KIF21B: variants seen among roughly 807,000 people sequenced by gnomAD.
KIF21B encodes kinesin family member 21B, also known as kinesin-like protein KIF21B.
Under a neutral mutation model 192.9 loss-of-function variants are expected in KIF21B, and 85 were observed. That is an observed-to-expected ratio of 0.44 (90% CI 0.37 to 0.53). The LOEUF (loss-of-function observed/expected upper bound fraction) is 0.53. KIF21B is among the 20% of genes least tolerant of loss of function. The pLI is 0.00. For missense variants in KIF21B, 1,716 were observed against 2,194.8 expected (o/e 0.78, Z 4.36); for synonymous variants, 832 against 884.6 (o/e 0.94, Z 1.05).
rs1294490271 is a variant in KIF21B at position 200,997,292 on chromosome 1, C to T, written c.2078-897G>A. Among the ~76,000 whole-genome samples, 6 of 152,344 alleles carry T rather than the reference C, an allele frequency of 3.9e-5. No homozygotes were observed. In the East Asian group the frequency reaches 7.7e-4, roughly 20 times the overall value. On this transcript the variant is annotated intron_variant, in intron 14 of 34. Coordinates refer to ENST00000461742, the MANE Select transcript of KIF21B (RefSeq NM_001252102.2). ...ACTGTGCTCTAACCATCCTGGTCCC[C>T]TTATCGTTCTGCCAAAATGCCAGGC...
chr1:200,998,608 T>C lies in KIF21B; in HGVS notation c.1886-33A>G. The C allele has an allele frequency of 1.1e-5, 17 of 1,598,962 alleles. No homozygotes were observed. The highest frequency in any genetic ancestry group is 1.0e-5 in the Non-Finnish European group (12 of 1,169,654). The stretch of plus-strand genomic sequence containing the variant: ...GGCACAATCAGGCTCAGCCCAGCGT[T>C]AGGGCGAGGGGCAAATTGGGGAGCA... On this transcript the variant is annotated intron_variant, in intron 13 of 34. Transcript: ENST00000461742. This position sits in a 1 kb window ranked among gnomAD's most constrained non-coding sequence, Gnocchi z 4.3.
In KIF21B at chr1:200,991,746, C is replaced by T. The variant is rs145638407; in HGVS notation, c.2386-21G>A. 2.1e-5 allele frequency: 34 copies of T among 1,613,196 alleles called. No individual in the cohort carries two copies. The African/African-American group carries it at 3.7e-4, about 18-fold the overall frequency. ...TGAAACTGTGGGAGACAGAAGAGGG[C>T]TGGGCTCCACACTCAGGCACCTTAG... is the stretch of plus-strand genomic sequence containing the variant. On this transcript the variant is annotated intron_variant, in intron 16 of 34. Coordinates refer to ENST00000461742, the MANE Select transcript of KIF21B (RefSeq NM_001252102.2).
intron 1 of KIF21B, 91 bp from the exon 2 acceptor site, chr1:201,009,579 TC>T: frequency 7.9e-7 from 1 of 1,262,634 alleles, no homozygotes; most frequent in Non-Finnish European, 1.1e-6. Flanking sequence ...AGCTGCCACT[TC>T]CCCCATGAGC....
intron 5 of KIF21B, 70 bp from the exon 6 acceptor site, chr1:201,005,003 G>A: frequency 6.6e-7 from 1 of 1,523,118 alleles, no homozygotes; most frequent in Non-Finnish European, 8.9e-7. Context: ...TCACAGTACT[G>A]CCATCCGGGA....
chr1:200,973,720 G>C (rs1238720868), intron 34 of KIF21B, 142 bp from the exon 35 acceptor site: 1 of 1,483,998 alleles, frequency 6.7e-7, no homozygotes, highest in African/African-American at 1.4e-5. Flanking sequence ...GGCTTACGGG[G>C]AGGTGGACTG....
intron 1 of KIF21B, among the ~76,000 whole-genome samples, chr1:201,022,489 CA>C (rs1658900196): frequency 6.6e-6 from 1 of 152,336 alleles, no homozygotes; most frequent in Middle Eastern, 3.4e-3. Context: ...CCACCCAGCA[CA>C]AAGAACACAG....
At chr1:201,004,245 T>A (rs1340546505) in intron 7 of KIF21B, 95 bp downstream of exon 7, 1 of 1,053,362 alleles carries the variant, frequency 9.5e-7, no homozygotes, top group Non-Finnish European at 1.4e-6. Flanking sequence ...GGCCTCCTCC[T>A]CCTGGGGCAG....
chr1:200,990,691 C>A lies in KIF21B; in HGVS notation c.2720G>T (p.Ser907Ile). 6.2e-7 allele frequency: 1 copy of A among 1,614,190 alleles called. No homozygotes were observed. The highest frequency in any genetic ancestry group is 8.5e-7 in the Non-Finnish European group (1 of 1,180,036). ...KKFQKKGASQ[S>I]FSKAARLKWQ... ...CTTGAGCCTTGCCGCCTTACTGAAG[C>A]TCTGGCTGGCCCCCTTCTTCTGGAA... The change falls in exon 19 of 35, where the codon AGC becomes ATC. Residue 907 changes from serine to isoleucine, a missense_variant. This residue lies in a region of KIF21B where 1,087 missense variants were observed against 1,316.6 expected (regional missense o/e 0.83). Coordinates refer to ENST00000461742, the MANE Select transcript of KIF21B (RefSeq NM_001252102.2). The surrounding 1 kb of genome is among the most constrained non-coding windows in gnomAD (Gnocchi z 5.4).
rs954474230 is a variant in KIF21B, at chr1:201,005,548, C to T, written c.594G>A (p.Glu198=). The T allele has an allele frequency of 1.2e-6, 2 of 1,612,548 alleles. No individual in the cohort carries two copies. The highest frequency in any genetic ancestry group is 1.7e-6 in the Non-Finnish European group (2 of 1,179,048). ...GVTSRLIHSQ[E]ELIQCLKQGA... ...CAGACCTCCAGCAGAGGCTCACCTC[C>T]TCCTGGGAGTGGATGAGGCGAGAAG... The change falls in exon 4 of 35, where the codon GAG becomes GAA. Residue 198 remains glutamate, a synonymous_variant. Coordinates refer to ENST00000461742, the MANE Select transcript of KIF21B (RefSeq NM_001252102.2).
intron 32 of KIF21B, among the ~76,000 whole-genome samples, chr1:200,976,054 A>C (rs1441884925): frequency 1.3e-5 from 2 of 152,064 alleles, no homozygotes; most frequent in African/African-American, 4.8e-5. Context: ...CTAAATATTC[A>C]CCATAATCCC....
In KIF21B at chr1:200,996,308, T is replaced by C; in HGVS notation, c.2165A>G (p.Gln722Arg). 4.3e-6 allele frequency: 7 copies of C among 1,614,192 alleles called. No homozygotes were observed. The highest frequency in any genetic ancestry group is 5.9e-6 in the Non-Finnish European group (7 of 1,180,034). Reference protein sequence around the residue: ...KRLREMNRDLQKLQAAQKEHA... With the variant: ...KRLREMNRDLRKLQAAQKEHA... The stretch of plus-strand genomic sequence containing the variant: ...CTCTTTCTGGGCGGCCTGCAGCTTC[T>C]GCAGGTCCCGGTTCATCTCCCGCAG... Residue 722 changes from glutamine (Q) to arginine (R), a missense_variant, in exon 15 of 35, where the codon CAG becomes CGG. Physicochemically the swap from Gln to Arg is conservative, Grantham distance 43. Around this residue, in one of 3 missense-constraint regions of KIF21B, gnomAD observed 1,087 missense variants for 1,316.6 expected, o/e 0.83. Coordinates refer to ENST00000461742, the MANE Select transcript of KIF21B (RefSeq NM_001252102.2).
intron 1 of KIF21B, among the ~76,000 whole-genome samples, chr1:201,014,552 C>T (rs1384334868): frequency 6.6e-6 from 1 of 152,208 alleles, no homozygotes; most frequent in East Asian, 1.9e-4. Flanking sequence ...CCCTCTCCCG[C>T]GGGCTTAGGA....
In KIF21B at chr1:200,975,369, G is replaced by A. The variant is rs1357764204; in HGVS notation, c.4614+130C>T. On this transcript the variant is annotated intron_variant, in intron 33 of 34. Coordinates refer to ENST00000461742, the MANE Select transcript of KIF21B (RefSeq NM_001252102.2). This position sits in a 1 kb window ranked among gnomAD's most constrained non-coding sequence, Gnocchi z 4.3. Reference sequence around the variant, plus strand: ...AGAGGAGGAAGAGGGAGAACAGGAGGGCTTGGGGAGCTGTGAAAACCATCT... The same window carrying A: ...AGAGGAGGAAGAGGGAGAACAGGAGAGCTTGGGGAGCTGTGAAAACCATCT... 2.4e-5 allele frequency: 18 copies of A among 764,856 alleles called. No homozygotes were observed. The highest frequency in any genetic ancestry group is 3.6e-5 in the Non-Finnish European group (17 of 466,140). The allele number at this position is 764,856 out of a possible 1,614,324, so 47.4% of individuals were successfully genotyped here.
chr1:200,977,182 C>A (rs1571909625), intron 31 of KIF21B, 30 bp downstream of exon 31: 1 of 1,588,386 alleles, frequency 6.3e-7, no homozygotes, highest in East Asian at 2.3e-5. Flanking sequence ...GAATGCCAAA[C>A]CCTCCTCCCT....
intron 30 of KIF21B, among the ~76,000 whole-genome samples, chr1:200,978,696 T>G (rs1166690177): frequency 6.6e-6 from 1 of 152,234 alleles, no homozygotes; most frequent in Non-Finnish European, 1.5e-5. Context: ...TTCATTATTA[T>G]TATTTTTTGA....
intron 6 of KIF21B, 78 bp downstream of exon 6, chr1:201,004,688 T>G: frequency 6.5e-7 from 1 of 1,546,406 alleles, no homozygotes; most frequent in Non-Finnish European, 8.9e-7. Context: ...ACTCAGCAGG[T>G]GTAGGACTGC....
At chr1:201,010,075 A>G (rs1482785390) in intron 1 of KIF21B, among the ~76,000 whole-genome samples, 1 of 152,212 alleles carries the variant, frequency 6.6e-6, no homozygotes, top group African/African-American at 2.4e-5. Flanking sequence ...ACTAAGTTCT[A>G]GAGGAGGCCA....
Position 201,005,328 on chromosome 1 carries a change from T to C in KIF21B, c.712A>G (p.Met238Val). The C allele has an allele frequency of 6.8e-6, 11 of 1,608,270 alleles. No homozygotes were observed. Among genetic ancestry groups the C allele is most frequent in the Non-Finnish European group, 8.5e-6 (10 of 1,177,336 alleles). ...IFTIHLCQMR[M>V]CTQPDLVNEA... Reference sequence around the variant, plus strand: ...CTCACCAGGTCGGGCTGGGTGCACATGCGCATCTGGCACAGGTGGATGGTG... The same window carrying C: ...CTCACCAGGTCGGGCTGGGTGCACACGCGCATCTGGCACAGGTGGATGGTG... The change falls in exon 5 of 35, where the codon ATG (methionine) becomes GTG (valine). Residue 238 changes from methionine (M) to valine (V), a missense_variant. Transcript: ENST00000461742.
In KIF21B at chr1:201,017,369, G is replaced by A. The variant is rs893458143; in HGVS notation, c.41+5974C>T. Among the ~76,000 whole-genome samples the A allele has an allele frequency of 1.3e-5, 2 of 152,144 alleles. No individual in the cohort carries two copies. The highest frequency in any genetic ancestry group is 1.5e-5 in the Non-Finnish European group (1 of 68,010). ...GCCAGGAACTTCCTGGGCCAGGGTC[G>A]GACTCCTCCATCTCTGGGGCCTGGG... On this transcript the variant is annotated intron_variant, in intron 1 of 34. Coordinates refer to ENST00000461742, the MANE Select transcript of KIF21B (RefSeq NM_001252102.2). The surrounding 1 kb of genome is among the most constrained non-coding windows in gnomAD (Gnocchi z 4.1).
Sources: allele counts gnomAD v4.1 joint callset (sites outside exome capture counted in the v4.1 genomes callset), GRCh38; gene constraint gnomAD v4.1.1; regional missense constraint gnomAD v4.1.1; non-coding constraint Gnocchi (gnomAD v3.1); transcripts MANE v1.5; gene names NCBI Gene and HGNC (gene_info 2026-07-23, HGNC 2026-07-21).